RIT2: variants seen among roughly 807,000 people sequenced by gnomAD.
The protein encoded by RIT2 is GTP-binding protein Rit2.
RIT2 carries 24 observed loss-of-function variants against 23.7 expected under a neutral mutation model. That is an observed-to-expected ratio of 1.01 (90% CI 0.73 to 1.43). RIT2 has a LOEUF of 1.43. RIT2 is among the 40% of genes most tolerant of loss of function. The probability of loss-of-function intolerance (pLI) is 0.00; values close to 1 mark genes in which losing one functional copy is unlikely to be tolerated. For synonymous variants in RIT2, 107 were observed against 91.1 expected (o/e 1.17, Z -0.99); for missense variants, 236 against 266.9 (o/e 0.88, Z 0.81).
At chr18:43,067,916 A>C (rs1410630689) in intron 1 of RIT2, among the ~76,000 whole-genome samples, 4 of 152,128 alleles carry the variant, frequency 2.6e-5, no homozygotes. Context: ...GGGGGCTGGA[A>C]TTTTATTTTT....
chr18:43,034,444 C>G (rs563353259), intron 1 of RIT2, among the ~76,000 whole-genome samples: 10 of 152,248 alleles, frequency 6.6e-5, no homozygotes, highest in Admixed American at 6.5e-4. Flanking sequence ...TCTGTACCCT[C>G]CACATTATTT....
chr18:42,753,501 G>A (rs981133029), intron 4 of RIT2, among the ~76,000 whole-genome samples: 2 of 152,072 alleles, frequency 1.3e-5, no homozygotes, highest in Non-Finnish European at 2.9e-5. Flanking sequence ...TGCCTACTGG[G>A]TGCTGTTAAA....
intron 4 of RIT2, among the ~76,000 whole-genome samples, chr18:42,794,779 G>A (rs76252190): frequency 0.016 from 2,483 of 152,282 alleles, 75 homozygotes; most frequent in African/African-American, 0.057. Flanking sequence ...TTTATAGCAT[G>A]TTATTTATCA....
chr18:42,782,488 T>C (rs1267167147), intron 4 of RIT2, among the ~76,000 whole-genome samples: 1 of 151,986 alleles, frequency 6.6e-6, no homozygotes, highest in African/African-American at 2.4e-5. Context: ...AGATGATTGA[T>C]AGAAAGATAG....
At chr18:42,749,504 T>C (rs1912996271) in intron 4 of RIT2, among the ~76,000 whole-genome samples, 1 of 151,772 alleles carries the variant, frequency 6.6e-6, no homozygotes, top group Non-Finnish European at 1.5e-5. Context: ...AATTATGCAA[T>C]GGAGAAGACG....
chr18:43,020,256 A>G (rs4584912), intron 2 of RIT2, among the ~76,000 whole-genome samples: 142,644 of 152,148 alleles, frequency 0.94, 67,077 homozygotes, highest in East Asian at 1. Context: ...AGGCTGAGGC[A>G]AACAGATCAC....
At chr18:42,805,620 G>A (rs1285088665) in intron 4 of RIT2, among the ~76,000 whole-genome samples, 1 of 152,094 alleles carries the variant, frequency 6.6e-6, no homozygotes, top group Non-Finnish European at 1.5e-5. Flanking sequence ...GTCATCATTT[G>A]GAAAATATTG....
chr18:42,980,698 A>G (rs957482175), intron 2 of RIT2, among the ~76,000 whole-genome samples: 4 of 152,196 alleles, frequency 2.6e-5, no homozygotes, highest in African/African-American at 9.6e-5. Context: ...AGAAAACCCA[A>G]TGAGGAAGGG....
At chr18:42,981,506 C>T (rs1199740774) in intron 2 of RIT2, among the ~76,000 whole-genome samples, 1 of 151,964 alleles carries the variant, frequency 6.6e-6, no homozygotes, top group Non-Finnish European at 1.5e-5. Context: ...ACTGCTATTT[C>T]TGGGAAGATA....
chr18:43,011,976 G>A (rs754489203), intron 2 of RIT2, among the ~76,000 whole-genome samples: 3 of 151,722 alleles, frequency 2.0e-5, no homozygotes, highest in South Asian at 4.2e-4. Flanking sequence ...ATTTAAGGTC[G>A]GGAGAGCTTT....
chr18:42,754,228 A>C (rs1429911915), intron 4 of RIT2, among the ~76,000 whole-genome samples: 1 of 152,184 alleles, frequency 6.6e-6, no homozygotes, highest in Non-Finnish European at 1.5e-5. Flanking sequence ...GAAGGGCAAG[A>C]GTCCTCCTTC....
chr18:43,042,474 G>T (rs1469367314), intron 1 of RIT2, among the ~76,000 whole-genome samples: 1 of 152,104 alleles, frequency 6.6e-6, no homozygotes, highest in Non-Finnish European at 1.5e-5. Context: ...CTTTGTTGGT[G>T]CTTCTACCTC....
At chr18:42,927,688 C>A (rs1568032316) in intron 3 of RIT2, among the ~76,000 whole-genome samples, 2 of 151,914 alleles carry the variant, frequency 1.3e-5, no homozygotes, top group Non-Finnish European at 2.9e-5. Flanking sequence ...CATCTGCTAT[C>A]TATGAGTAGC....
intron 2 of RIT2, among the ~76,000 whole-genome samples, chr18:42,999,938 A>C (rs568550305): frequency 7.9e-5 from 12 of 152,194 alleles, no homozygotes; most frequent in African/African-American, 2.9e-4. Flanking sequence ...GTGTATTATT[A>C]GATTGTAAGG....
intron 4 of RIT2, among the ~76,000 whole-genome samples, chr18:42,849,257 C>T (rs1460448837): frequency 6.6e-6 from 1 of 152,178 alleles, no homozygotes; most frequent in Non-Finnish European, 1.5e-5. Flanking sequence ...AGACATTCTC[C>T]ATCCAGACCA....
chr18:42,957,775 C>A (rs1050000056), intron 3 of RIT2, among the ~76,000 whole-genome samples: 24 of 152,042 alleles, frequency 1.6e-4, no homozygotes, highest in African/African-American at 4.8e-4. Flanking sequence ...CAGAGTGAGA[C>A]TTCTTCTCAA....
chr18:42,900,040 C>A (rs759530741), intron 4 of RIT2, among the ~76,000 whole-genome samples: 1 of 151,682 alleles, frequency 6.6e-6, no homozygotes. Flanking sequence ...AAATGGACCA[C>A]CAGAAACTAA....
chr18:42,783,759 A>G (rs1172341206), intron 4 of RIT2, among the ~76,000 whole-genome samples: 1 of 152,120 alleles, frequency 6.6e-6, no homozygotes, highest in Non-Finnish European at 1.5e-5. Flanking sequence ...ACCATAGAAC[A>G]TGACATCATA....
At position 42,743,349 on chromosome 18, in the gene RIT2, G is replaced by A; in HGVS notation, c.*144C>T. On this transcript the variant is annotated 3_prime_UTR_variant, in exon 5 of 5. Transcript: ENST00000326695. ...AAACAAAACTATCTCAAGAGGTACA[G>A]ATATGCAGAGCTTGCTTTTACCTAC... The A allele has an allele frequency of 1.5e-6, 1 of 647,706 alleles. No individual in the cohort carries two copies. Among genetic ancestry groups the A allele is most frequent in the Non-Finnish European group, 2.7e-6 (1 of 373,242 alleles). The allele number at this position is 647,706 out of a possible 1,614,324, so 40.1% of individuals were successfully genotyped here. A position where few individuals can be genotyped will look rare whatever the true frequency, so the allele number is the denominator to read the frequency against.
Sources: allele counts gnomAD v4.1 joint callset (sites outside exome capture counted in the v4.1 genomes callset), GRCh38; gene constraint gnomAD v4.1.1; transcripts MANE v1.5; gene names NCBI Gene and HGNC (gene_info 2026-07-23, HGNC 2026-07-21).